NAALADL2: variants seen among roughly 807,000 people sequenced by gnomAD.
NAALADL2 encodes the protein N-acetylated alpha-linked acidic dipeptidase like 2.
In NAALADL2, 76 loss-of-function variants were observed where a neutral mutation model predicts 87.2. The observed-to-expected ratio is 0.87, with a 90% CI of 0.72 to 1.05. NAALADL2 has a LOEUF of 1.05. Among genes scored for constraint, NAALADL2 ranks in the 50% least tolerant of loss-of-function variants. The pLI is 0.00. For missense variants in NAALADL2, 1,089 were observed against 945.8 expected (o/e 1.15, Z -1.99); for synonymous variants, 354 against 331.0 (o/e 1.07, Z -0.75).
Position 174,959,421 on chromosome 3 carries a change from C to T in NAALADL2, c.43+99971C>T, listed in dbSNP as rs902303366. Among the ~76,000 whole-genome samples the T allele has an allele frequency of 3.3e-5, 5 of 152,074 alleles. No homozygotes were observed. In the East Asian group the frequency reaches 9.7e-4, roughly 29 times the overall value. ...TTGTGCTGCCTGCTGCCCACAGGCT[C>T]TGGAAACATACAATTGGTGATTGTT... On this transcript the variant is annotated intron_variant, in intron 1 of 13. Coordinates refer to ENST00000454872, the MANE Select transcript of NAALADL2 (RefSeq NM_207015.3).
intron 1 of NAALADL2, among the ~76,000 whole-genome samples, chr3:174,921,527 C>T (rs867428244): frequency 5.9e-5 from 9 of 151,870 alleles, no homozygotes; most frequent in African/African-American, 2.2e-4. Flanking sequence ...AAGGGCCTGG[C>T]GCGGTGGCTC....
At chr3:174,976,105 A>G (rs562248619) in intron 1 of NAALADL2, among the ~76,000 whole-genome samples, 12 of 152,320 alleles carry the variant, frequency 7.9e-5, no homozygotes, top group African/African-American at 2.9e-4. Context: ...AGGTAATTCC[A>G]TATTTTCATA....
At position 175,546,500 on chromosome 3, in the gene NAALADL2, T is replaced by C. The variant is rs74463759; in HGVS notation, c.1654-29541T>C. 8.1e-3 allele frequency among the ~76,000 whole-genome samples: 1,229 copies of C among 152,216 alleles called. 20 individuals carry two copies. Among genetic ancestry groups the C allele is most frequent in the African/African-American group, 0.028 (1,175 of 41,550 alleles). On this transcript the variant is annotated intron_variant, in intron 9 of 13. Transcript: ENST00000454872. Reference sequence around the variant, plus strand: ...GATGTCATTGGTCTGTGTACTTCCGTGTGTTTTTGTAGTTTATGGTAACGG... The same window carrying C: ...GATGTCATTGGTCTGTGTACTTCCGCGTGTTTTTGTAGTTTATGGTAACGG...
At chr3:175,634,566 G>A (rs1268742421) in intron 11 of NAALADL2, among the ~76,000 whole-genome samples, 2 of 151,712 alleles carry the variant, frequency 1.3e-5, no homozygotes, top group Admixed American at 6.6e-5. Flanking sequence ...CTTTTATTTA[G>A]TTTCTGAGTT....
At chr3:175,634,563 T>C (rs1339176738) in intron 11 of NAALADL2, among the ~76,000 whole-genome samples, 1 of 151,906 alleles carries the variant, frequency 6.6e-6, no homozygotes, top group African/African-American at 2.4e-5. Flanking sequence ...TACCTTTTAT[T>C]TAGTTTCTGA....
chr3:175,788,352 A>G (rs1752364686), intron 13 of NAALADL2, among the ~76,000 whole-genome samples: 1 of 152,066 alleles, frequency 6.6e-6, no homozygotes, highest in East Asian at 1.9e-4. Context: ...CAGCCTCCCA[A>G]AGTCCTAGGA....
intron 1 of NAALADL2, among the ~76,000 whole-genome samples, chr3:174,904,847 T>C (rs1732785452): frequency 6.9e-6 from 1 of 145,806 alleles, no homozygotes; most frequent in Non-Finnish European, 1.5e-5. Flanking sequence ...GTGTATTTGG[T>C]GAATTTCTTT....
intron 11 of NAALADL2, among the ~76,000 whole-genome samples, chr3:175,640,120 C>T (rs1236204578): frequency 6.6e-6 from 1 of 152,062 alleles, no homozygotes; most frequent in South Asian, 2.1e-4. Flanking sequence ...AAGGTTATTG[C>T]TTTTTTGTAA....
intron 9 of NAALADL2, among the ~76,000 whole-genome samples, chr3:175,557,916 C>T (rs112809759): frequency 2.0e-5 from 3 of 152,022 alleles, no homozygotes; most frequent in South Asian, 2.1e-4. Flanking sequence ...TAATCAGGGC[C>T]GGGCGCGGTG....
At chr3:175,724,984 T>G (rs1439293497) in intron 11 of NAALADL2, among the ~76,000 whole-genome samples, 4 of 152,078 alleles carry the variant, frequency 2.6e-5, no homozygotes, top group African/African-American at 7.2e-5. Flanking sequence ...CAAGATGTTC[T>G]TTGTTTAATG....
intron 4 of NAALADL2, among the ~76,000 whole-genome samples, chr3:175,263,869 A>T (rs569050819): frequency 1.1e-4 from 17 of 151,848 alleles, no homozygotes; most frequent in African/African-American, 4.1e-4. Flanking sequence ...TCTAAAATTT[A>T]AAACAGTAAG....
intron 2 of NAALADL2, among the ~76,000 whole-genome samples, chr3:175,133,450 C>G (rs371921131): frequency 3.9e-5 from 6 of 152,196 alleles, no homozygotes; most frequent in South Asian, 2.1e-4. Flanking sequence ...CTGAGTGAAC[C>G]AGACTCCGTC....
Position 175,096,933 on chromosome 3 carries a change from C to G in NAALADL2, c.187C>G (p.Gln63Glu). The change falls in exon 2 of 14, where the codon CAA (glutamine) becomes GAA (glutamate). Residue 63 changes from glutamine to glutamate, a missense_variant. Coordinates refer to ENST00000454872, the MANE Select transcript of NAALADL2 (RefSeq NM_207015.3). ...GGAACTAGAGGAGTCTGGTTTTGAC[C>G]AATTCCAGCTAGACGGTGCTGAGAA... Reference protein sequence around the residue: ...EKELEESGFDQFQLDGAENQN... With the variant: ...EKELEESGFDEFQLDGAENQN... 6.2e-7 allele frequency: 1 copy of G among 1,613,298 alleles called. No individual in the cohort carries two copies. The highest frequency in any genetic ancestry group is 8.5e-7 in the Non-Finnish European group (1 of 1,179,624).
intron 11 of NAALADL2, among the ~76,000 whole-genome samples, chr3:175,678,551 A>T (rs369144407): frequency 9.2e-5 from 14 of 152,348 alleles, no homozygotes; most frequent in African/African-American, 3.4e-4. Context: ...GCCATAAAAA[A>T]TGATGAGTTC....
At chr3:174,641,252 T>C (rs1723154561) in intron 2 of NAALADL2, among the ~76,000 whole-genome samples, 1 of 152,108 alleles carries the variant, frequency 6.6e-6, no homozygotes, top group South Asian at 2.1e-4. Flanking sequence ...CGGGCCTCGG[T>C]TGAGATCCCA....
chr3:175,087,606 A>G (rs976120989), intron 1 of NAALADL2, among the ~76,000 whole-genome samples: 1 of 152,020 alleles, frequency 6.6e-6, no homozygotes, highest in East Asian at 1.9e-4. Context: ...CTATAACCTT[A>G]CTCCCAACCC....
At chr3:174,533,933 G>C (rs1024702773) in intron 1 of NAALADL2, among the ~76,000 whole-genome samples, 1 of 152,060 alleles carries the variant, frequency 6.6e-6, no homozygotes, top group African/African-American at 2.4e-5. Flanking sequence ...AAGATTATTA[G>C]GAAGTCATGC....
At chr3:175,045,107 GTTGTTGGA>G (rs1754516400) in intron 1 of NAALADL2, among the ~76,000 whole-genome samples, 1 of 151,994 alleles carries the variant, frequency 6.6e-6, no homozygotes, top group African/African-American at 2.4e-5. Flanking sequence ...AACTCTAATA[GTTGTTGGA>G]TTATTGGTAT....
intron 4 of NAALADL2, among the ~76,000 whole-genome samples, chr3:175,318,747 T>C (rs377359652): frequency 6.6e-6 from 1 of 152,190 alleles, no homozygotes; most frequent in East Asian, 1.9e-4. Flanking sequence ...ACAGAATATT[T>C]CCATCTCCCT....
Sources: allele counts gnomAD v4.1 joint callset (sites outside exome capture counted in the v4.1 genomes callset), GRCh38; gene constraint gnomAD v4.1.1; transcripts MANE v1.5; gene names NCBI Gene and HGNC (gene_info 2026-07-23, HGNC 2026-07-21).